The following NRXN1 variants were observed in gnomAD, a reference collection of about 807,000 sequenced individuals.
The protein encoded by NRXN1 is neurexin 1, also known as neurexin-1.
A neutral mutation model predicts 150.9 loss-of-function variants in NRXN1; 39 were observed. That is an observed-to-expected ratio of 0.26 (90% CI 0.20 to 0.34). The LOEUF is 0.34. Ranked by LOEUF, NRXN1 falls within the 10% of genes least tolerant of loss-of-function variation. The pLI is 1.00. For missense variants in NRXN1, 1,815 were observed against 1,949.9 expected (o/e 0.93, Z 1.30); for synonymous variants, 924 against 757.0 (o/e 1.22, Z -3.62).
intron 18 of NRXN1, among the ~76,000 whole-genome samples, chr2:50,189,082 G>T (rs887233233): frequency 1.3e-5 from 2 of 152,256 alleles, no homozygotes; most frequent in South Asian, 2.1e-4. Context: ...GTTTATTGCA[G>T]CACTGTTCAC....
intron 2 of NRXN1, among the ~76,000 whole-genome samples, chr2:50,979,992 C>CA (rs1696532802): frequency 6.6e-6 from 1 of 152,064 alleles, no homozygotes; most frequent in South Asian, 2.1e-4. Context: ...CTACAACTAA[C>CA]AGGAAAAATA....
In NRXN1 at chr2:51,020,434, G is replaced by A. The variant is rs1016056426; in HGVS notation, c.772+7068C>T. On this transcript the variant is annotated intron_variant, in intron 2 of 22. Transcript: ENST00000401669. ...ATAATAAGAGAACTCTACCAAATCT[G>A]ATGCATACTTCTGGGCATAAATGAT... Among the ~76,000 whole-genome samples the A allele has an allele frequency of 3.9e-5, 6 of 151,968 alleles. No individual in the cohort carries two copies. In the East Asian group the frequency reaches 1.2e-3, roughly 29 times the overall value.
chr2:50,441,720 C>T (rs2085968848), intron 17 of NRXN1, among the ~76,000 whole-genome samples: 1 of 152,008 alleles, frequency 6.6e-6, no homozygotes, highest in Non-Finnish European at 1.5e-5. Flanking sequence ...AGGGAAGATG[C>T]TGCCATATAG....
chr2:50,027,409 C>T (rs1255529309), intron 21 of NRXN1, among the ~76,000 whole-genome samples: 2 of 150,662 alleles, frequency 1.3e-5, no homozygotes, highest in South Asian at 2.1e-4. Context: ...TTCCTCCCTC[C>T]CTCCCTCTCT....
At chr2:50,050,166 T>TTTTA (rs947384230) in intron 21 of NRXN1, among the ~76,000 whole-genome samples, 12 of 151,436 alleles carry the variant, frequency 7.9e-5, no homozygotes, top group Non-Finnish European at 1.3e-4. Context: ...CTTCTTTTTT[T>TTTTA]TTTTTTTACT....
intron 17 of NRXN1, among the ~76,000 whole-genome samples, chr2:50,361,539 T>C (rs987598668): frequency 3.9e-5 from 6 of 152,132 alleles, no homozygotes; most frequent in African/African-American, 1.2e-4. Context: ...CCTGGATATA[T>C]ACACCCTCCG....
At chr2:50,694,401 A>G (rs1025257651) in intron 5 of NRXN1, among the ~76,000 whole-genome samples, 1 of 152,198 alleles carries the variant, frequency 6.6e-6, no homozygotes, top group Non-Finnish European at 1.5e-5. Context: ...TTAAACCATA[A>G]ATCAGTCAAC....
Position 50,976,075 on chromosome 2 carries a change from C to T in NRXN1, c.773-50120G>A, listed in dbSNP as rs528607590. ...TCCTTTGGCATTGCTCCCAATAATG[C>T]CTGTGTGCCCTGTAGACTCCCTATT... On this transcript the variant is annotated intron_variant, in intron 2 of 22. Transcript: ENST00000401669. Among the ~76,000 whole-genome samples the T allele has an allele frequency of 5.3e-5, 8 of 152,110 alleles. No individual in the cohort carries two copies. The South Asian group carries it at 1.5e-3, about 28-fold the overall frequency.
At position 50,787,455 on chromosome 2, in the gene NRXN1, G is replaced by A. The variant is rs986566064; in HGVS notation, c.832+134414C>T. On this transcript the variant is annotated intron_variant, in intron 5 of 22. Coordinates refer to ENST00000401669, the MANE Select transcript of NRXN1 (RefSeq NM_001330078.2). ...CGGGCGCCTGTAATCCCAGCTATTCGGGATGGTGGGACAGGAGAATCGCTT... is the reference window on the plus strand; with the variant it reads ...CGGGCGCCTGTAATCCCAGCTATTCAGGATGGTGGGACAGGAGAATCGCTT... 5.3e-5 allele frequency among the ~76,000 whole-genome samples: 8 copies of A among 151,732 alleles called. No homozygotes were observed. In the South Asian group the frequency reaches 6.3e-4, roughly 12 times the overall value.
chr2:50,926,547 T>C (rs1173131652), intron 2 of NRXN1, among the ~76,000 whole-genome samples: 2 of 151,946 alleles, frequency 1.3e-5, no homozygotes, highest in Non-Finnish European at 2.9e-5. Flanking sequence ...ATATTAATAT[T>C]GTATTGCAAA....
chr2:50,477,633 T>C (rs1455475707), intron 15 of NRXN1, among the ~76,000 whole-genome samples: 1 of 152,222 alleles, frequency 6.6e-6, no homozygotes, highest in Non-Finnish European at 1.5e-5. Flanking sequence ...TTTATTCACA[T>C]GTACTTTTTT....
intron 2 of NRXN1, among the ~76,000 whole-genome samples, chr2:50,950,257 A>C (rs1003402044): frequency 7.2e-5 from 11 of 152,198 alleles, no homozygotes; most frequent in Admixed American, 7.2e-4. Flanking sequence ...AAAACTATAC[A>C]GAAGGGAAAA....
chr2:50,397,919 G>A (rs912931494), intron 17 of NRXN1, among the ~76,000 whole-genome samples: 2 of 152,086 alleles, frequency 1.3e-5, no homozygotes, highest in African/African-American at 4.8e-5. Context: ...CAGTAAAATT[G>A]CAAAACAAAA....
intron 17 of NRXN1, among the ~76,000 whole-genome samples, chr2:50,430,200 C>T (rs897133284): frequency 3.9e-5 from 6 of 152,092 alleles, no homozygotes; most frequent in African/African-American, 1.4e-4. Context: ...GGGAGTTTAA[C>T]CTAGGGTGAG....
chr2:50,512,710 A>G (rs903708407), intron 12 of NRXN1, among the ~76,000 whole-genome samples: 3 of 152,308 alleles, frequency 2.0e-5, no homozygotes, highest in Admixed American at 2.0e-4. Flanking sequence ...AAAGTCAGAG[A>G]GGGTAAACAT....
intron 5 of NRXN1, among the ~76,000 whole-genome samples, chr2:50,711,915 C>T (rs185355133): frequency 6.6e-6 from 1 of 152,212 alleles, no homozygotes; most frequent in East Asian, 1.9e-4. Context: ...CATCACCAGA[C>T]ACCAGACGCC....
At chr2:50,133,942 G>C (rs1430327773) in intron 18 of NRXN1, among the ~76,000 whole-genome samples, 2 of 152,140 alleles carry the variant, frequency 1.3e-5, no homozygotes, top group East Asian at 1.9e-4. Context: ...AAGTTAATTA[G>C]GAACAGGTAC....
intron 16 of NRXN1, among the ~76,000 whole-genome samples, chr2:50,469,789 A>C (rs2089284765): frequency 6.6e-6 from 1 of 150,932 alleles, no homozygotes; most frequent in African/African-American, 2.4e-5. Flanking sequence ...GAAAATTATA[A>C]AAGCTCAGAT....
intron 5 of NRXN1, among the ~76,000 whole-genome samples, chr2:50,737,017 G>A (rs1389792831): frequency 6.6e-6 from 1 of 152,044 alleles, no homozygotes; most frequent in Non-Finnish European, 1.5e-5. Context: ...CAGCACTTTG[G>A]GAGGCTGAGG....
Sources: allele counts gnomAD v4.1 joint callset (sites outside exome capture counted in the v4.1 genomes callset), GRCh38; gene constraint gnomAD v4.1.1; transcripts MANE v1.5; gene names NCBI Gene and HGNC (gene_info 2026-07-23, HGNC 2026-07-21).